The following GMPR variants were observed in gnomAD, a reference collection of about 807,000 sequenced individuals.
GMPR encodes the protein GMP reductase 1.
In GMPR, 31 loss-of-function variants were observed where a neutral mutation model predicts 38.4. The observed-to-expected ratio is 0.81, with a 90% confidence interval of 0.61 to 1.09. GMPR has a LOEUF of 1.09. GMPR is among the 50% of genes least tolerant of loss of function. The pLI, the probability that GMPR is intolerant of heterozygous loss-of-function variation, is 0.00. For missense variants in GMPR, 468 were observed against 453.7 expected (o/e 1.03, Z -0.29); for synonymous variants, 162 against 173.3 (o/e 0.93, Z 0.51).
chr6:16,287,064 A>G (rs546193648), intron 7 of GMPR, among the ~76,000 whole-genome samples: 14 of 152,292 alleles, frequency 9.2e-5, no homozygotes, highest in African/African-American at 3.1e-4. Context: ...CATAGATCCT[A>G]TCTGTGGAGA....
At chr6:16,276,855 C>G (rs1759481358) in intron 5 of GMPR, among the ~76,000 whole-genome samples, 1 of 152,228 alleles carries the variant, frequency 6.6e-6, no homozygotes, top group Non-Finnish European at 1.5e-5. Context: ...CCCTGCCCCT[C>G]TAGTCAAGAG....
chr6:16,255,918 G>A (rs1200031499), intron 4 of GMPR, among the ~76,000 whole-genome samples: 1 of 152,122 alleles, frequency 6.6e-6, no homozygotes, highest in African/African-American at 2.4e-5. Flanking sequence ...AGGAAGAAAG[G>A]ATCAAGAATT....
In GMPR at chr6:16,250,361, C is replaced by CCTGCAGGTA. The variant is rs1431446699; in HGVS notation, c.287_291+4dup. 3 of 1,583,878 alleles carry CCTGCAGGTA rather than the reference C, an allele frequency of 1.9e-6. No homozygotes were observed. In the South Asian group the frequency reaches 3.3e-5, roughly 17 times the overall value. On this transcript the variant is annotated inframe_insertion, in exon 3 of 9. Coordinates refer to ENST00000259727, the MANE Select transcript of GMPR (RefSeq NM_006877.4). ...TCTTTGCCACAAATCACCCAGAATG[C>CCTGCAGGTA]CTGCAGGTACGACTACAGCCTGGTT...
intron 4 of GMPR, among the ~76,000 whole-genome samples, chr6:16,270,319 G>T (rs1375010376): frequency 6.6e-6 from 1 of 152,128 alleles, no homozygotes; most frequent in Admixed American, 6.5e-5. Flanking sequence ...CTGGACAAGG[G>T]TTCATTGCTT....
At chr6:16,285,033 C>CAAA (rs11370216) in intron 6 of GMPR, among the ~76,000 whole-genome samples, 3 of 108,598 alleles carry the variant, frequency 2.8e-5, no homozygotes, top group South Asian at 2.8e-4. Context: ...AAAAAAAAAA[C>CAAA]AAAAAAAAAA....
At chr6:16,274,066 G>A (rs1759433394) in intron 4 of GMPR, among the ~76,000 whole-genome samples, 1 of 151,948 alleles carries the variant, frequency 6.6e-6, no homozygotes. Flanking sequence ...TGCCTGCTTC[G>A]GGCTCCCAAA....
chr6:16,261,190 C>G (rs1284106393), intron 4 of GMPR, among the ~76,000 whole-genome samples: 1 of 151,946 alleles, frequency 6.6e-6, no homozygotes, highest in Non-Finnish European at 1.5e-5. Context: ...CTAACCATGC[C>G]TAGGAAGGAA....
In GMPR at chr6:16,295,482, T is replaced by C. The variant is rs968476593; in HGVS notation, c.*296T>C. The C allele has an allele frequency of 1.4e-5, 4 of 287,982 alleles. No homozygotes were observed. The highest frequency in any genetic ancestry group is 2.5e-5 in the Non-Finnish European group (4 of 157,024). The allele number at this position is 287,982 out of a possible 1,614,324, so 17.8% of individuals were successfully genotyped here. On this transcript the variant is annotated 3_prime_UTR_variant, in exon 9 of 9. Transcript: ENST00000259727. ...TTTTTCTCTTTCTCTCTCCCTTTCT[T>C]TGTTTTTCTTTCTTTTTTAAAAGAA...
chr6:16,242,790 C>T (rs2113666037), intron 1 of GMPR, among the ~76,000 whole-genome samples: 1 of 152,248 alleles, frequency 6.6e-6, no homozygotes, highest in South Asian at 2.1e-4. Context: ...AGGCATGCAC[C>T]ACCACGTCCA....
chr6:16,272,903 A>G (rs76952983), intron 4 of GMPR, among the ~76,000 whole-genome samples: 2,843 of 152,208 alleles, frequency 0.019, 85 homozygotes, highest in African/African-American at 0.064. Flanking sequence ...GGCTCGAGCA[A>G]TCCACTTACC....
At chr6:16,246,728 C>T (rs1194231724) in intron 1 of GMPR, 114 bp from the exon 2 acceptor site, 2 of 986,264 alleles carry the variant, frequency 2.0e-6, no homozygotes, top group African/African-American at 3.2e-5. Flanking sequence ...TAAGAGAATC[C>T]AGGGACCTTT....
intron 6 of GMPR, among the ~76,000 whole-genome samples, chr6:16,283,289 G>A (rs967483419): frequency 4.6e-5 from 7 of 152,084 alleles, no homozygotes; most frequent in African/African-American, 1.7e-4. Context: ...AAGCCCAAAT[G>A]TTGTTGTTTT....
intron 8 of GMPR, among the ~76,000 whole-genome samples, chr6:16,293,670 C>CA (rs1350086221): frequency 1.3e-5 from 2 of 152,208 alleles, no homozygotes; most frequent in Admixed American, 6.5e-5. Flanking sequence ...TGGTGGCAGG[C>CA]ACCTGTAATC....
At chr6:16,242,685 C>CTGGA (rs1758674137) in intron 1 of GMPR, among the ~76,000 whole-genome samples, 1 of 152,100 alleles carries the variant, frequency 6.6e-6, no homozygotes, top group South Asian at 2.1e-4. Flanking sequence ...GTTGCCCAGG[C>CTGGA]TGGAGTACAA....
intron 7 of GMPR, among the ~76,000 whole-genome samples, chr6:16,286,391 GGC>G (rs1759679576): frequency 6.6e-6 from 1 of 151,838 alleles, no homozygotes; most frequent in East Asian, 2.0e-4. Context: ...AGTAAAGTAC[GGC>G]TGCCGAGCCA....
In GMPR at chr6:16,250,329, T is replaced by G; in HGVS notation, c.253T>G (p.Trp85Gly). The change falls in exon 3 of 9, where the codon TGG becomes GGG. Residue 85 changes from tryptophan to glycine, a missense_variant. Coordinates refer to ENST00000259727, the MANE Select transcript of GMPR (RefSeq NM_006877.4). The stretch of plus-strand genomic sequence containing the variant: ...TCATAAGCATTACTCCCTGGATGAC[T>G]GGAAGCTCTTTGCCACAAATCACCC... ...AIHKHYSLDD[W>G]KLFATNHPEC... 6.2e-7 allele frequency: 1 copy of G among 1,610,946 alleles called. No individual in the cohort carries two copies. The highest frequency in any genetic ancestry group is 8.5e-7 in the Non-Finnish European group (1 of 1,177,042).
rs1001120406 is a variant in GMPR, at chr6:16,295,046, G to C, written c.898G>C (p.Asp300His). 3.1e-6 allele frequency: 5 copies of C among 1,609,798 alleles called. No homozygotes were observed. In the African/African-American group the frequency reaches 5.4e-5, roughly 17 times the overall value. Residue 300 changes from aspartate (D) to histidine (H), a missense_variant, in exon 9 of 9, where the codon GAT becomes CAT. By Grantham distance (81) the Asp-to-His change is moderately conservative. Transcript: ENST00000259727. ...GKTVEVPYKG[D>H]VENTILDILG... Reference sequence around the variant, plus strand: ...GACTGTGGAAGTTCCTTACAAAGGAGATGTGGAAAACACTATCCTGGATAT... The same window carrying C: ...GACTGTGGAAGTTCCTTACAAAGGACATGTGGAAAACACTATCCTGGATAT...
In GMPR at chr6:16,254,572, T is replaced by C. The variant is rs1320486749; in HGVS notation, c.302T>C (p.Val101Ala). 6.2e-7 allele frequency: 1 copy of C among 1,613,712 alleles called. No individual in the cohort carries two copies. The highest frequency in any genetic ancestry group is 8.5e-7 in the Non-Finnish European group (1 of 1,179,644). ...NHPECLQNVA[V>A]SSGSGQNDLE... ...TTTATTTTGGTGCAGAATGTAGCCGTGAGTTCAGGCAGTGGGCAGAATGAT... is the reference window on the plus strand; with the variant it reads ...TTTATTTTGGTGCAGAATGTAGCCGCGAGTTCAGGCAGTGGGCAGAATGAT... The change falls in exon 4 of 9, where the codon GTG (valine) becomes GCG (alanine). Residue 101 changes from valine to alanine, a missense_variant. By Grantham distance (64) the Val-to-Ala change is moderately conservative. Transcript: ENST00000259727.
chr6:16,251,765 G>A (rs890502371), intron 3 of GMPR, among the ~76,000 whole-genome samples: 1 of 152,102 alleles, frequency 6.6e-6, no homozygotes, highest in African/African-American at 2.4e-5. Context: ...CTATCATGAT[G>A]GTTACAGAAC....
Sources: allele counts gnomAD v4.1 joint callset (sites outside exome capture counted in the v4.1 genomes callset), GRCh38; gene constraint gnomAD v4.1.1; transcripts MANE v1.5; gene names NCBI Gene and HGNC (gene_info 2026-07-23, HGNC 2026-07-21).